The following RUNX2 variants were observed in gnomAD, a reference collection of about 807,000 sequenced individuals.
RUNX2 encodes runt-related transcription factor 2.
Under a neutral mutation model 51.7 loss-of-function variants are expected in RUNX2, and 10 were observed. The ratio of observed to expected loss-of-function variants is 0.19; its 90% confidence interval spans 0.12 to 0.33. The LOEUF (loss-of-function observed/expected upper bound fraction) is 0.33. Among genes scored for constraint, RUNX2 ranks in the 10% least tolerant of loss-of-function variants. The probability of loss-of-function intolerance (pLI) is 1.00; values close to 1 mark genes in which losing one functional copy is unlikely to be tolerated. For missense variants in RUNX2, 562 were observed against 691.3 expected (o/e 0.81, Z 2.10); for synonymous variants, 276 against 273.6 (o/e 1.01, Z -0.09).
chr6:45,473,721 CTT>C (rs1340536575), intron 5 of RUNX2, among the ~76,000 whole-genome samples: 1 of 152,190 alleles, frequency 6.6e-6, no homozygotes, highest in African/African-American at 2.4e-5. Context: ...CAGCAGCCCT[CTT>C]TGGGTTCAGG....
intron 6 of RUNX2, among the ~76,000 whole-genome samples, chr6:45,505,702 A>AC (rs1368361613): frequency 1.3e-5 from 2 of 152,092 alleles, no homozygotes; most frequent in Non-Finnish European, 2.9e-5. Flanking sequence ...ATTTTTGAGC[A>AC]CCCCCTGGGT....
chr6:45,377,823 G>C (rs759263726), intron 2 of RUNX2: 1 of 154,046 alleles, frequency 6.5e-6, no homozygotes, highest in African/African-American at 2.4e-5. Context: ...GAGAATGTGG[G>C]GGTGGAGATG....
At chr6:45,513,885 A>G (rs1174587548) in intron 7 of RUNX2, among the ~76,000 whole-genome samples, 2 of 152,212 alleles carry the variant, frequency 1.3e-5, no homozygotes, top group Non-Finnish European at 2.9e-5. Flanking sequence ...CACAGTGGGG[A>G]TAACGAAGGC....
chr6:45,371,093 G>A (rs1385702876), intron 2 of RUNX2, among the ~76,000 whole-genome samples: 3 of 152,156 alleles, frequency 2.0e-5, no homozygotes, highest in African/African-American at 7.2e-5. Context: ...TTTGAGATAT[G>A]TGGAAGATTT....
chr6:45,385,995 G>A (rs1797338500), intron 2 of RUNX2, among the ~76,000 whole-genome samples: 1 of 151,366 alleles, frequency 6.6e-6, no homozygotes, highest in Non-Finnish European at 1.5e-5. Flanking sequence ...ATATTAAGTA[G>A]TTTTTTCTTT....
chr6:45,330,981 C>T (rs891868487), intron 2 of RUNX2, among the ~76,000 whole-genome samples: 8 of 151,918 alleles, frequency 5.3e-5, no homozygotes, highest in Non-Finnish European at 1.0e-4. Context: ...ATCACCACCA[C>T]CTAATGAAAT....
intron 8 of RUNX2, 62 bp downstream of exon 8, chr6:45,545,344 T>C: frequency 6.6e-7 from 1 of 1,510,320 alleles, no homozygotes; most frequent in Non-Finnish European, 8.9e-7. Context: ...GTCTGGTTGT[T>C]ACTGTCCGAT....
At chr6:45,483,282 C>T (rs1475224578) in intron 5 of RUNX2, among the ~76,000 whole-genome samples, 1 of 152,148 alleles carries the variant, frequency 6.6e-6, no homozygotes, top group African/African-American at 2.4e-5. Flanking sequence ...AAAGATGACG[C>T]AGCAGCCTTT....
intron 2 of RUNX2, among the ~76,000 whole-genome samples, chr6:45,389,843 C>A (rs897773247): frequency 1.3e-5 from 2 of 151,962 alleles, no homozygotes; most frequent in Non-Finnish European, 2.9e-5. Context: ...AACCACGTCT[C>A]TACTAAAAAT....
At chr6:45,525,035 C>T (rs755435519) in intron 7 of RUNX2, among the ~76,000 whole-genome samples, 6 of 152,102 alleles carry the variant, frequency 3.9e-5, no homozygotes, top group Admixed American at 3.9e-4. Context: ...TGCTTGAACC[C>T]GGGAGGTGGA....
chr6:45,499,316 A>ATC (rs74739373), intron 6 of RUNX2, among the ~76,000 whole-genome samples: 28,760 of 152,086 alleles, frequency 0.19, 2,940 homozygotes, highest in African/African-American at 0.23. Context: ...TGAGCAGGGA[A>ATC]TCTGTACAGG....
intron 2 of RUNX2, among the ~76,000 whole-genome samples, chr6:45,338,514 G>C (rs1789090899): frequency 2.0e-5 from 3 of 152,066 alleles, no homozygotes; most frequent in Admixed American, 6.6e-5. Context: ...CAAGAGCACT[G>C]ATTTCAGGTA....
At chr6:45,365,478 GGTGGAAAAAAACTA>G (rs1794977844) in intron 2 of RUNX2, among the ~76,000 whole-genome samples, 1 of 151,454 alleles carries the variant, frequency 6.6e-6, no homozygotes, top group Admixed American at 6.6e-5. Context: ...GAAATAGCAA[GGTGGAAAAAAACTA>G]GTCAAGTAAG....
chr6:45,525,409 G>T (rs1314609939), intron 7 of RUNX2, among the ~76,000 whole-genome samples: 1 of 152,216 alleles, frequency 6.6e-6, no homozygotes, highest in Non-Finnish European at 1.5e-5. Flanking sequence ...TTTCTTCCAT[G>T]ACTCAAGCAT....
chr6:45,459,630 G>A (rs1299562305), intron 5 of RUNX2, among the ~76,000 whole-genome samples: 1 of 152,190 alleles, frequency 6.6e-6, no homozygotes, highest in East Asian at 1.9e-4. Flanking sequence ...TATGTGTTAG[G>A]AATATAGCCT....
At chr6:45,367,121 C>T (rs1056690652) in intron 2 of RUNX2, among the ~76,000 whole-genome samples, 5 of 151,978 alleles carry the variant, frequency 3.3e-5, no homozygotes, top group East Asian at 1.9e-4. Context: ...TTTGAGAAGG[C>T]GACAGGACAC....
intron 5 of RUNX2, among the ~76,000 whole-genome samples, chr6:45,453,152 T>C (rs969958874): frequency 6.6e-6 from 1 of 152,156 alleles, no homozygotes; most frequent in African/African-American, 2.4e-5. Flanking sequence ...TTCTAAAGAT[T>C]TGTAAAAGCT....
chr6:45,510,451 AT>A (rs1255047695), intron 6 of RUNX2, among the ~76,000 whole-genome samples: 3 of 152,226 alleles, frequency 2.0e-5, no homozygotes, highest in African/African-American at 7.2e-5. Context: ...CTTTAAATAA[AT>A]TGTTTCTGAA....
At chr6:45,484,029 T>C (rs1180735448) in intron 5 of RUNX2, among the ~76,000 whole-genome samples, 1 of 152,186 alleles carries the variant, frequency 6.6e-6, no homozygotes, top group Non-Finnish European at 1.5e-5. Context: ...GTAAGTGACA[T>C]GAATGTTAGG....
Sources: gnomAD v4.1 joint callset for allele counts (sites outside exome capture counted in the v4.1 genomes callset) on GRCh38, gnomAD v4.1.1 for gene constraint, MANE v1.5 for transcripts, NCBI Gene and HGNC (gene_info 2026-07-23, HGNC 2026-07-21) for gene names.